The following KANSL1 variants were observed in gnomAD, a reference collection of about 807,000 sequenced individuals.
KANSL1 encodes MLL1/MLL complex subunit KANSL1.
In KANSL1, 22 loss-of-function variants were observed where a neutral mutation model predicts 103.6. The ratio of observed to expected loss-of-function variants is 0.21; its 90% CI spans 0.15 to 0.30. KANSL1 has a LOEUF of 0.30. KANSL1 is among the 10% of genes least tolerant of loss of function. The probability of loss-of-function intolerance (pLI) is 1.00; values close to 1 mark genes in which losing one functional copy is unlikely to be tolerated. For synonymous variants in KANSL1, 600 were observed against 527.6 expected, an observed-to-expected ratio of 1.14 and a Z score of -1.88; for missense variants, 1,337 against 1,399.8, an observed-to-expected ratio of 0.96 and a Z score of 0.72.
At chr17:46,204,820 A>T (rs2047911009) in intron 1 of KANSL1, among the ~76,000 whole-genome samples, 1 of 152,252 alleles carries the variant, frequency 6.6e-6, no homozygotes, top group South Asian at 2.1e-4. Context: ...GTAATACACC[A>T]TATTAATAAA....
intron 6 of KANSL1, among the ~76,000 whole-genome samples, chr17:46,062,114 C>CAA (rs1192815524): frequency 0.022 from 814 of 36,926 alleles, 33 homozygotes; most frequent in African/African-American, 0.041. Context: ...AAAAAACAAA[C>CAA]AAACAAAAAA....
intron 2 of KANSL1, among the ~76,000 whole-genome samples, chr17:46,150,025 A>G (rs1274378908): frequency 1.3e-5 from 2 of 151,374 alleles, no homozygotes; most frequent in East Asian, 3.9e-4. Context: ...CCATCTCAAA[A>G]ATAAATAAAT....
intron 1 of KANSL1, among the ~76,000 whole-genome samples, chr17:46,182,597 G>A (rs1422340730): frequency 6.6e-6 from 1 of 152,210 alleles, no homozygotes; most frequent in Non-Finnish European, 1.5e-5. Flanking sequence ...CCTGAGTGCA[G>A]GATAGGTTAT....
chr17:46,169,069 C>T (rs1336246227), intron 2 of KANSL1, among the ~76,000 whole-genome samples: 2 of 152,206 alleles, frequency 1.3e-5, no homozygotes, highest in African/African-American at 4.8e-5. Flanking sequence ...TTTTCTGTTA[C>T]TCAAAATAAG....
At chr17:46,053,083 T>C (rs1352802421) in intron 6 of KANSL1, among the ~76,000 whole-genome samples, 1 of 146,370 alleles carries the variant, frequency 6.8e-6, no homozygotes, top group African/African-American at 2.6e-5. Flanking sequence ...AGGTCAGGAG[T>C]TCGAGACCAG....
intron 6 of KANSL1, among the ~76,000 whole-genome samples, chr17:46,052,963 CCAAAAAAAAAAA>C (rs2077771579): frequency 2.3e-5 from 1 of 43,140 alleles, no homozygotes; most frequent in African/African-American, 1.0e-4. Flanking sequence ...GATCCTGTCT[CCAAAAAAAAAAA>C]AAAAAAAAAA....
upstream of KANSL1, chr17:46,224,973 C>T (rs2048639986): frequency 6.6e-6 from 1 of 151,532 alleles, no homozygotes. Context: ...CGGTCCGTCC[C>T]ACCTCGGCTC....
intron 2 of KANSL1, among the ~76,000 whole-genome samples, chr17:46,127,365 AAAC>A (rs2043622245): frequency 6.6e-6 from 1 of 152,274 alleles, no homozygotes; most frequent in Non-Finnish European, 1.5e-5. Flanking sequence ...ATCATCTTCA[AAAC>A]AACATCAAGT....
intron 1 of KANSL1, among the ~76,000 whole-genome samples, chr17:46,211,035 C>T (rs998831561): frequency 4.6e-5 from 7 of 151,870 alleles, no homozygotes; most frequent in African/African-American, 1.7e-4. Flanking sequence ...CTCTAAGAGC[C>T]CACTGAGATA....
intron 3 of KANSL1, chr17:46,088,607 C>G (rs1049828079): frequency 6.6e-6 from 1 of 152,252 alleles, no homozygotes; most frequent in Non-Finnish European, 1.5e-5. Context: ...TAAAAAACAA[C>G]GTAAGAGTCA....
chr17:46,148,590 C>CTTTT (rs373641135), intron 2 of KANSL1, among the ~76,000 whole-genome samples: 33 of 145,190 alleles, frequency 2.3e-4, no homozygotes, highest in Admixed American at 7.6e-4. Flanking sequence ...CTTCACTTAC[C>CTTTT]TTTTTTTTTT....
At chr17:46,090,699 T>C (rs1300807618) in intron 3 of KANSL1, among the ~76,000 whole-genome samples, 1 of 152,246 alleles carries the variant, frequency 6.6e-6, no homozygotes, top group Non-Finnish European at 1.5e-5. Context: ...TACATTCATG[T>C]GCCAAATAGC....
intron 3 of KANSL1, among the ~76,000 whole-genome samples, chr17:46,088,880 C>A (rs956165050): frequency 1.3e-5 from 2 of 152,198 alleles, no homozygotes; most frequent in African/African-American, 4.8e-5. Flanking sequence ...CAGAGCAAGA[C>A]CCTGCCTCTT....
chr17:46,208,297 T>C (rs949383574), intron 1 of KANSL1, among the ~76,000 whole-genome samples: 2 of 152,070 alleles, frequency 1.3e-5, no homozygotes, highest in African/African-American at 4.8e-5. Flanking sequence ...GGCTGACTTT[T>C]GTTCCCCAAA....
chr17:46,054,375 C>T lies in KANSL1; in HGVS notation c.1849-3671G>A, dbSNP rs367595991. The stretch of plus-strand genomic sequence containing the variant: ...GGTCCCAGTCATGAAATCCTATTGG[C>T]AGAATCCAACCACTTCATACCACCT... On this transcript the variant is annotated intron_variant, in intron 6 of 14. Transcript: ENST00000432791. Among the ~76,000 whole-genome samples the T allele has an allele frequency of 8.6e-5, 13 of 151,546 alleles. No homozygotes were observed. In the South Asian group the frequency reaches 2.7e-3, roughly 32 times the overall value.
chr17:46,047,368 T>C (rs2077549645), intron 7 of KANSL1, among the ~76,000 whole-genome samples: 1 of 152,224 alleles, frequency 6.6e-6, no homozygotes, highest in Admixed American at 6.5e-5. Flanking sequence ...ACAATCAGGT[T>C]CATTTGTTCA....
chr17:46,141,499 A>G (rs564264182), intron 2 of KANSL1, among the ~76,000 whole-genome samples: 262 of 152,356 alleles, frequency 1.7e-3, no homozygotes, highest in Non-Finnish European at 3.2e-3. Flanking sequence ...AATACTTTAC[A>G]TTTATTTACA....
At chr17:46,044,008 A>G (rs1361396802) in intron 7 of KANSL1, 3 of 151,820 alleles carry the variant, frequency 2.0e-5, no homozygotes, top group South Asian at 2.1e-4. Context: ...AAAAAAAAAG[A>G]TATCTTAGGA....
At chr17:46,117,238 G>A (rs145776026) in intron 2 of KANSL1, among the ~76,000 whole-genome samples, 1 of 152,318 alleles carries the variant, frequency 6.6e-6, no homozygotes, top group East Asian at 1.9e-4. Flanking sequence ...TTATAACCCT[G>A]AGAATTCCAT....
Sources: allele counts gnomAD v4.1 joint callset (sites outside exome capture counted in the v4.1 genomes callset), GRCh38; gene constraint gnomAD v4.1.1; transcripts MANE v1.5; gene names NCBI Gene and HGNC (gene_info 2026-07-23, HGNC 2026-07-21).